The following VSIG4 variants were observed in gnomAD, a reference collection of about 807,000 sequenced individuals.
The protein encoded by VSIG4 is V-set and immunoglobulin domain-containing protein 4.
In VSIG4, 34 loss-of-function variants were observed where a neutral mutation model predicts 23.4. The observed-to-expected ratio is 1.45, with a 90% CI of 1.10 to 1.93. The LOEUF (loss-of-function observed/expected upper bound fraction) is 1.93. Among genes scored for constraint, VSIG4 ranks in the 30% most tolerant of loss-of-function variants. The pLI, the probability that VSIG4 is intolerant of heterozygous loss-of-function variation, is 0.00. For missense variants in VSIG4, 433 were observed against 310.8 expected (o/e 1.39, Z -2.96); for synonymous variants, 169 against 120.3 (o/e 1.41, Z -2.65).
In VSIG4 at chrX:66,028,116, C is replaced by A; in HGVS notation, c.695-4G>T. 2 of 1,207,777 alleles carry A rather than the reference C, an allele frequency of 1.7e-6. No homozygotes were observed. Among genetic ancestry groups the A allele is most frequent in the South Asian group, 3.5e-5 (2 of 56,872 alleles). ...GTCTTGAGTAGCTTTGAGGAGTCTGCAAGGAAAAGGGAACCGATTGAAGGG... is the reference window on the plus strand; with the variant it reads ...GTCTTGAGTAGCTTTGAGGAGTCTGAAAGGAAAAGGGAACCGATTGAAGGG... On this transcript the variant is annotated splice_region_variant and splice_polypyrimidine_tract_variant and intron_variant, in intron 3 of 7. Transcript: ENST00000374737.
At position 66,040,055 on chromosome X, in the gene VSIG4, A is replaced by G; in HGVS notation, c.-57T>C. On this transcript the variant is annotated 5_prime_UTR_variant, in exon 1 of 8. Coordinates refer to ENST00000374737, the MANE Select transcript of VSIG4 (RefSeq NM_007268.3). ...AGCCTCCTGCTACCAAAGAGGCTCA[A>G]ACTTCTGGTGGCCGCCAGCGTCTGT... 1 of 1,169,700 alleles carries G rather than the reference A, an allele frequency of 8.5e-7. No individual in the cohort carries two copies. Among genetic ancestry groups the G allele is most frequent in the Non-Finnish European group, 1.2e-6 (1 of 858,854 alleles).
chrX:66,026,965 G>A (rs939222767), intron 5 of VSIG4, among the ~76,000 whole-genome samples: 1 of 111,460 alleles, frequency 9.0e-6, no homozygotes, highest in Non-Finnish European at 1.9e-5. Flanking sequence ...ACTATCAGAT[G>A]CAGGTGAAAC....
At chrX:66,036,958 T>A (rs1311852377) in intron 1 of VSIG4, among the ~76,000 whole-genome samples, 16 of 34,907 alleles carry the variant, frequency 4.6e-4, no homozygotes, top group East Asian at 4.5e-3. Flanking sequence ...TATTATATTA[T>A]ATTATATAAT....
chrX:66,033,783 C>A lies in VSIG4; in HGVS notation c.103G>T (p.Gly35Trp). The stretch of plus-strand genomic sequence containing the variant: ...TAGGTGCAGGGAAGATTCACATCCC[C>A]TTTCCAAGGTCCTGTTACACTCTCT... Reference protein sequence around the residue: ...VPESVTGPWKGDVNLPCTYDP... With the variant: ...VPESVTGPWKWDVNLPCTYDP... The change falls in exon 2 of 8, where the codon GGG (glycine) becomes TGG (tryptophan). Residue 35 changes from glycine (G) to tryptophan (W), a missense_variant. Coordinates refer to ENST00000374737, the MANE Select transcript of VSIG4 (RefSeq NM_007268.3). The A allele has an allele frequency of 8.3e-7, 1 of 1,210,965 alleles. No homozygotes were observed. Among genetic ancestry groups the A allele is most frequent in the Non-Finnish European group, 1.1e-6 (1 of 895,176 alleles).
At chrX:66,035,532 T>C (rs993105706) in intron 1 of VSIG4, among the ~76,000 whole-genome samples, 6 of 111,237 alleles carry the variant, frequency 5.4e-5, no homozygotes, top group Non-Finnish European at 1.1e-4. Flanking sequence ...TAGGCTATAA[T>C]AGAAATAGAA....
chrX:66,023,200 G>A (rs1461442912), intron 6 of VSIG4, among the ~76,000 whole-genome samples: 2 of 110,475 alleles, frequency 1.8e-5, no homozygotes, highest in East Asian at 2.9e-4. Flanking sequence ...AGGATCCCCA[G>A]AGAGTCCTTG....
In VSIG4 at chrX:66,021,807, C is replaced by G. The variant is rs767870625; in HGVS notation, c.*456G>C. The G allele has an allele frequency of 7.9e-6, 2 of 253,132 alleles. No homozygotes were observed. The highest frequency in any genetic ancestry group is 1.5e-5 in the Non-Finnish European group (2 of 135,323). The allele number at this position is 253,132 out of a possible 1,213,427, so 20.9% of individuals were successfully genotyped here. On this transcript the variant is annotated 3_prime_UTR_variant, in exon 8 of 8. Transcript: ENST00000374737. ...GAACATTAGACTTATAGTGGAGGAG[C>G]AGAACTGAACCCTGGCCTGTGAAAT...
chrX:66,030,682 G>C (rs1218602778), intron 3 of VSIG4, among the ~76,000 whole-genome samples: 1 of 111,429 alleles, frequency 9.0e-6, no homozygotes, highest in Non-Finnish European at 1.9e-5. Flanking sequence ...TTAGGAGCAA[G>C]GCTGGGGGCC....
intron 1 of VSIG4, among the ~76,000 whole-genome samples, chrX:66,038,678 G>GA (rs1314768233): frequency 1.8e-5 from 2 of 111,834 alleles, no homozygotes; most frequent in Non-Finnish European, 3.8e-5. Context: ...GTTATAGAAA[G>GA]AAAAATGTTT....
At chrX:66,032,813 A>G in intron 2 of VSIG4, 64 bp from the exon 3 acceptor site, 1 of 1,122,113 alleles carries the variant, frequency 8.9e-7, no homozygotes, top group Non-Finnish European at 1.2e-6. Context: ...CAAAAGGCTG[A>G]ATCATTCTTG....
intron 1 of VSIG4, among the ~76,000 whole-genome samples, chrX:66,037,495 TAATA>T (rs1463555511): frequency 1.6e-5 from 1 of 62,094 alleles, no homozygotes; most frequent in Non-Finnish European, 2.7e-5. Context: ...ATACAATATA[TAATA>T]TATATTATAT....
rs779922648 is a variant in VSIG4, at chrX:66,022,433, A to G, written c.1030T>C (p.Ser344Pro). 2.6e-5 allele frequency: 31 copies of G among 1,210,647 alleles called. No individual in the cohort carries two copies. In the East Asian group the frequency reaches 9.2e-4, roughly 36 times the overall value. The part of the protein sequence containing the change: ...MRVAIFASGC[S>P]SDEPTSQNLG... The stretch of plus-strand genomic sequence containing the variant: ...TTCTGGGAAGTTGGCTCATCACTGG[A>G]GCAGCCACTTGCGAAGATGGCCACC... Residue 344 changes from serine (S) to proline (P), a missense_variant, in exon 8 of 8, where the codon TCC becomes CCC. Ser to Pro is a moderately conservative substitution (Grantham distance 74). Coordinates refer to ENST00000374737, the MANE Select transcript of VSIG4 (RefSeq NM_007268.3).
At chrX:66,038,005 T>A (rs969509566) in intron 1 of VSIG4, among the ~76,000 whole-genome samples, 2 of 110,298 alleles carry the variant, frequency 1.8e-5, no homozygotes, top group African/African-American at 6.6e-5. Flanking sequence ...CATATCTCTA[T>A]CCCATTCCCC....
At chrX:66,030,783 T>C (rs1047938047) in intron 3 of VSIG4, among the ~76,000 whole-genome samples, 1 of 111,762 alleles carries the variant, frequency 8.9e-6, no homozygotes, top group South Asian at 3.7e-4. Flanking sequence ...AGGCAGTACA[T>C]ATCGCAGAGC....
chrX:66,028,183 T>A (rs972252033), intron 3 of VSIG4, 71 bp from the exon 4 acceptor site: 23 of 986,234 alleles, frequency 2.3e-5, no homozygotes, highest in Non-Finnish European at 3.0e-5. Flanking sequence ...CCTAGGGAAA[T>A]AGGAAGTAAG....
At chrX:66,037,632 T>C (rs1354816816) in intron 1 of VSIG4, among the ~76,000 whole-genome samples, 1 of 83,102 alleles carries the variant, frequency 1.2e-5, no homozygotes, top group African/African-American at 4.7e-5. Flanking sequence ...TTATATATAA[T>C]ATATAATAAT....
At chrX:66,033,382 C>T (rs753053995) in intron 2 of VSIG4, 92 bp downstream of exon 2, 25 of 831,107 alleles carry the variant, frequency 3.0e-5, no homozygotes, top group Admixed American at 8.8e-5. Context: ...TCTGTATAAA[C>T]GAAGGCCTCT....
rs771468870 is a variant in VSIG4, at chrX:66,030,931, G to A, written c.694+1537C>T. 5.4e-5 allele frequency among the ~76,000 whole-genome samples: 6 copies of A among 111,303 alleles called. No individual in the cohort carries two copies. In the South Asian group the frequency reaches 1.1e-3, roughly 21 times the overall value. On this transcript the variant is annotated intron_variant, in intron 3 of 7. Coordinates refer to ENST00000374737, the MANE Select transcript of VSIG4 (RefSeq NM_007268.3). Reference sequence around the variant, plus strand: ...AAGAACAGTGCAGAGTGAGGTGGAAGGGTGAAAGGGCTGAGAGTTCCGTAG... The same window carrying A: ...AAGAACAGTGCAGAGTGAGGTGGAAAGGTGAAAGGGCTGAGAGTTCCGTAG...
At chrX:66,027,393 T>C in intron 5 of VSIG4, 56 bp downstream of exon 5, 14 of 1,042,870 alleles carry the variant, frequency 1.3e-5, no homozygotes, top group Non-Finnish European at 1.9e-5. Flanking sequence ...GGGAAAGTTT[T>C]GGTCACAAAG....
Sources: allele counts gnomAD v4.1 joint callset (sites outside exome capture counted in the v4.1 genomes callset), GRCh38; gene constraint gnomAD v4.1.1; transcripts MANE v1.5; gene names NCBI Gene and HGNC (gene_info 2026-07-23, HGNC 2026-07-21).